Variants in BICD2 observed in about 807,000 individuals in gnomAD.
The protein encoded by BICD2 is protein bicaudal D homolog 2.
BICD2 carries 25 observed loss-of-function variants against 72.9 expected under a neutral mutation model. The ratio of observed to expected loss-of-function variants is 0.34; its 90% CI spans 0.25 to 0.48. The LOEUF is 0.48. Ranked by LOEUF, BICD2 falls within the 20% of genes least tolerant of loss-of-function variation. BICD2 has a pLI of 0.99. For synonymous variants in BICD2, 501 were observed against 516.1 expected (o/e 0.97, Z 0.40); for missense variants, 894 against 1,175.2 (o/e 0.76, Z 3.50).
intron 1 of BICD2, among the ~76,000 whole-genome samples, chr9:92,759,173 A>G (rs1854322145): frequency 6.6e-6 from 1 of 152,206 alleles, no homozygotes; most frequent in African/African-American, 2.4e-5. Context: ...GCTTTTATGT[A>G]TCTCAGAGTA....
intron 2 of BICD2, among the ~76,000 whole-genome samples, chr9:92,725,295 C>T (rs909649334): frequency 2.0e-5 from 3 of 152,240 alleles, no homozygotes; most frequent in African/African-American, 7.2e-5. Flanking sequence ...CACAGAGGCA[C>T]ACCCAGGTCA....
intron 1 of BICD2, among the ~76,000 whole-genome samples, chr9:92,743,349 T>C (rs1403287210): frequency 6.9e-6 from 1 of 144,450 alleles, no homozygotes; most frequent in Non-Finnish European, 1.5e-5. Flanking sequence ...CGTGCCACCA[T>C]GCCAGCTTTT....
chr9:92,760,218 GC>G (rs1483448730), intron 1 of BICD2, among the ~76,000 whole-genome samples: 3 of 152,124 alleles, frequency 2.0e-5, no homozygotes, highest in Non-Finnish European at 2.9e-5. Context: ...GGGCCCAGGG[GC>G]TCCCAGCACT....
intron 3 of BICD2, among the ~76,000 whole-genome samples, chr9:92,721,467 T>A (rs1030187205): frequency 6.6e-6 from 1 of 152,234 alleles, no homozygotes; most frequent in African/African-American, 2.4e-5. Flanking sequence ...AACTGATGCC[T>A]GATGTGGAGG....
chr9:92,753,562 G>T (rs879497915), intron 1 of BICD2, among the ~76,000 whole-genome samples: 1 of 151,536 alleles, frequency 6.6e-6, no homozygotes. Flanking sequence ...TTTTTGAGAC[G>T]GAGTCTTGCT....
At chr9:92,744,642 C>A (rs1047726183) in intron 1 of BICD2, among the ~76,000 whole-genome samples, 1 of 152,064 alleles carries the variant, frequency 6.6e-6, no homozygotes, top group Non-Finnish European at 1.5e-5. Context: ...GAGATGAAGA[C>A]CATCCTGGCT....
chr9:92,725,008 G>T (rs1421681763), intron 2 of BICD2, among the ~76,000 whole-genome samples: 3 of 152,218 alleles, frequency 2.0e-5, no homozygotes, highest in Non-Finnish European at 4.4e-5. Flanking sequence ...TCCCAGGCCT[G>T]CCAGTCAAGA....
Position 92,729,331 on chromosome 9 carries a change from A to G in BICD2, c.241-95T>C, listed in dbSNP as rs1009317185. The stretch of plus-strand genomic sequence containing the variant: ...CAGGCGACATTCATGCTGCAGAACA[A>G]CAGCAACAACAACGGGGACTGTGGG... On this transcript the variant is annotated intron_variant, in intron 1 of 6. Coordinates refer to ENST00000356884, the MANE Select transcript of BICD2 (RefSeq NM_001003800.2). The G allele has an allele frequency of 3.9e-6, 5 of 1,298,552 alleles. No homozygotes were observed. The South Asian group carries it at 6.7e-5, about 17-fold the overall frequency. The allele number at this position is 1,298,552 out of a possible 1,614,324, so 80.4% of individuals were successfully genotyped here.
chr9:92,715,051 T>C lies in BICD2; in HGVS notation c.*103A>G, dbSNP rs981731908. 36 of 1,470,716 alleles carry C rather than the reference T, an allele frequency of 2.4e-5. No homozygotes were observed. The highest frequency in any genetic ancestry group is 2.7e-5 in the Non-Finnish European group (30 of 1,109,758). 91.1% of individuals were successfully genotyped at this position (1,470,716 alleles called of 1,614,324 possible). On this transcript the variant is annotated 3_prime_UTR_variant, in exon 7 of 7. Transcript: ENST00000356884. ...GCCTCGGCTAGACTCCTACCCTCTG[T>C]GCATTAGTCACGTTAAGATTGACCT... is the stretch of plus-strand genomic sequence containing the variant.
At chr9:92,729,647 G>A (rs1013164263) in intron 1 of BICD2, among the ~76,000 whole-genome samples, 2 of 152,256 alleles carry the variant, frequency 1.3e-5, no homozygotes, top group East Asian at 1.9e-4. Flanking sequence ...GGCAGAGGGA[G>A]TCTGTCCATC....
chr9:92,761,972 T>C (rs563593589), intron 1 of BICD2, among the ~76,000 whole-genome samples: 2 of 152,052 alleles, frequency 1.3e-5, no homozygotes, highest in African/African-American at 4.8e-5. Flanking sequence ...ACTGGCACTG[T>C]CTCCCATTCA....
At chr9:92,761,676 A>G (rs1854375459) in intron 1 of BICD2, among the ~76,000 whole-genome samples, 1 of 152,238 alleles carries the variant, frequency 6.6e-6, no homozygotes, top group South Asian at 2.1e-4. Flanking sequence ...ACAGCTAAGA[A>G]CACAGAACAA....
chr9:92,752,360 T>C (rs749257246), intron 1 of BICD2, among the ~76,000 whole-genome samples: 3 of 148,844 alleles, frequency 2.0e-5, no homozygotes, highest in Non-Finnish European at 4.4e-5. Context: ...GGCACCATGA[T>C]GTGGTATGTT....
intron 6 of BICD2, among the ~76,000 whole-genome samples, chr9:92,715,735 G>A (rs536816880): frequency 1.3e-5 from 2 of 152,208 alleles, no homozygotes; most frequent in Admixed American, 1.3e-4. Context: ...GTGGTTTTGT[G>A]GGGGAGGGGC....
At position 92,720,700 on chromosome 9, in the gene BICD2, T is replaced by C. The variant is rs1392422683; in HGVS notation, c.662A>G (p.Tyr221Cys). The C allele has an allele frequency of 1.9e-6, 3 of 1,614,148 alleles. No individual in the cohort carries two copies. The East Asian group carries it at 6.7e-5, about 36-fold the overall frequency. ...EIKRLEEETE[Y>C]LNSQLEDAIR... ...GGCATCCTCCAGCTGGCTGTTGAGGTACTCGGTCTCCTCCTCCAGACGCTT... is the reference window on the plus strand; with the variant it reads ...GGCATCCTCCAGCTGGCTGTTGAGGCACTCGGTCTCCTCCTCCAGACGCTT... Residue 221 changes from tyrosine to cysteine, a missense_variant, in exon 4 of 7, where the codon TAC becomes TGC. Physicochemically the swap from Tyr to Cys is radical, Grantham distance 194. Transcript: ENST00000356884. This position sits in a 1 kb window ranked among gnomAD's most constrained non-coding sequence, Gnocchi z 5.4.
Position 92,715,172 on chromosome 9 carries a change from G to A in BICD2, c.2550C>T (p.His850=), listed in dbSNP as rs1157270403. The A allele has an allele frequency of 6.3e-7, 1 of 1,599,400 alleles. No homozygotes were observed. Among genetic ancestry groups the A allele is most frequent in the Non-Finnish European group, 8.5e-7 (1 of 1,170,602 alleles). Reference sequence around the variant, plus strand: ...ACAGCCCCTAATCACAGTAAATGCTGTGCTTCTCGCTGCAGAACACCTGGT... The same window carrying A: ...ACAGCCCCTAATCACAGTAAATGCTATGCTTCTCGCTGCAGAACACCTGGT... ...LANQVFCSEK[H]SIYCD is the part of the protein sequence containing the mutation. Residue 850 remains histidine, a synonymous_variant, in exon 7 of 7, where the codon CAC becomes CAT. Coordinates refer to ENST00000356884, the MANE Select transcript of BICD2 (RefSeq NM_001003800.2).
chr9:92,738,788 C>T (rs1310411638), intron 1 of BICD2, among the ~76,000 whole-genome samples: 1 of 152,250 alleles, frequency 6.6e-6, no homozygotes, highest in Non-Finnish European at 1.5e-5. Flanking sequence ...GTTTGGCCAT[C>T]TGATACAACA....
intron 6 of BICD2, 23 bp downstream of exon 6, chr9:92,717,774 G>T (rs745474543): frequency 6.3e-7 from 1 of 1,588,618 alleles, no homozygotes; most frequent in Non-Finnish European, 8.6e-7. Flanking sequence ...TGGAAGGGGA[G>T]GGCCCGACAG....
intron 1 of BICD2, among the ~76,000 whole-genome samples, chr9:92,750,551 G>A (rs754366499): frequency 2.0e-5 from 3 of 152,150 alleles, no homozygotes; most frequent in Non-Finnish European, 2.9e-5. Flanking sequence ...GCTACATACT[G>A]TATGATTCCA....
Sources: gnomAD v4.1 joint callset for allele counts (sites outside exome capture counted in the v4.1 genomes callset) on GRCh38, gnomAD v4.1.1 for gene constraint, Gnocchi (gnomAD v3.1) non-coding constraint, MANE v1.5 for transcripts, NCBI Gene and HGNC (gene_info 2026-07-23, HGNC 2026-07-21) for gene names.